TRIM33: variants seen among roughly 807,000 people sequenced by gnomAD.
TRIM33 encodes E3 ubiquitin-protein ligase TRIM33.
TRIM33 carries 20 observed loss-of-function variants against 125.4 expected under a neutral mutation model. The ratio of observed to expected loss-of-function variants is 0.16; its 90% CI spans 0.11 to 0.23. The LOEUF is 0.23. Among genes scored for constraint, TRIM33 ranks in the 10% least tolerant of loss-of-function variants. The pLI, the probability that TRIM33 is intolerant of heterozygous loss-of-function variation, is 1.00. For missense variants in TRIM33, 920 were observed against 1,411.4 expected (o/e 0.65, Z 5.58); for synonymous variants, 564 against 513.9 (o/e 1.10, Z -1.32).
intron 1 of TRIM33, among the ~76,000 whole-genome samples, chr1:114,493,991 A>G (rs1279519426): frequency 1.3e-5 from 2 of 151,464 alleles, no homozygotes; most frequent in African/African-American, 4.9e-5. Context: ...CGCCCAGCTC[A>G]TTTTTCTATT....
intron 15 of TRIM33, among the ~76,000 whole-genome samples, chr1:114,403,819 C>A (rs1324373152): frequency 6.6e-6 from 1 of 152,154 alleles, no homozygotes; most frequent in African/African-American, 2.4e-5. Flanking sequence ...CGCCACCATG[C>A]CTGGCCAATT....
intron 1 of TRIM33, among the ~76,000 whole-genome samples, chr1:114,495,539 T>G (rs1652321732): frequency 1.3e-5 from 2 of 152,178 alleles, no homozygotes; most frequent in African/African-American, 4.8e-5. Flanking sequence ...TAACGTAAGA[T>G]AAAACATAAC....
At chr1:114,425,753 T>C (rs756298594) in intron 8 of TRIM33, 30 bp from the exon 9 acceptor site, 5 of 1,489,272 alleles carry the variant, frequency 3.4e-6, no homozygotes, top group South Asian at 2.5e-5. Flanking sequence ...AGAATTTGCA[T>C]ATAATCAACT....
intron 1 of TRIM33, among the ~76,000 whole-genome samples, chr1:114,488,543 C>T (rs1052551836): frequency 5.3e-5 from 8 of 152,060 alleles, no homozygotes; most frequent in Non-Finnish European, 8.8e-5. Context: ...GCGGGAGGAC[C>T]GCTTCAGCCC....
At position 114,427,273 on chromosome 1, in the gene TRIM33, T is replaced by C. The variant is rs767881394; in HGVS notation, c.1324A>G (p.Ile442Val). ...ACAGGATCACACCGTGCTTTCAAAA[T>C]ATGACGCAACTGGAAAGTAATCTTA... The part of the protein sequence containing the change: ...KRLITFQLRH[I>V]LKARCDPVPA... The change falls in exon 8 of 20, where the codon ATT (isoleucine) becomes GTT (valine). Residue 442 changes from isoleucine (I) to valine (V), a missense_variant. Coordinates refer to ENST00000358465, the MANE Select transcript of TRIM33 (RefSeq NM_015906.4). 24 of 1,586,966 alleles carry C rather than the reference T, an allele frequency of 1.5e-5. No individual in the cohort carries two copies. Among genetic ancestry groups the C allele is most frequent in the Non-Finnish European group, 1.9e-5 (22 of 1,163,066 alleles).
At chr1:114,503,426 C>T (rs1478609169) in intron 1 of TRIM33, among the ~76,000 whole-genome samples, 2 of 152,060 alleles carry the variant, frequency 1.3e-5, no homozygotes, top group African/African-American at 4.8e-5. Flanking sequence ...CGCGGTGAGC[C>T]AAGATTGCGC....
chr1:114,417,748 T>G (rs1460552322), intron 11 of TRIM33, among the ~76,000 whole-genome samples: 1 of 152,176 alleles, frequency 6.6e-6, no homozygotes, highest in Non-Finnish European at 1.5e-5. Context: ...AACCTCCACC[T>G]CCCAGGTTCA....
chr1:114,424,888 C>T (rs1475019604), intron 9 of TRIM33, 133 bp from the exon 10 acceptor site: 4 of 637,876 alleles, frequency 6.3e-6, no homozygotes, highest in East Asian at 6.2e-5. Context: ...ATTCTTATCG[C>T]TAGCCCCAAT....
intron 1 of TRIM33, among the ~76,000 whole-genome samples, chr1:114,503,781 A>G (rs977697346): frequency 2.0e-5 from 3 of 152,240 alleles, no homozygotes; most frequent in Admixed American, 6.5e-5. Flanking sequence ...TTTTCCTGGA[A>G]ATGACAGGCT....
chr1:114,498,538 C>T (rs916355168), intron 1 of TRIM33, among the ~76,000 whole-genome samples: 3 of 151,970 alleles, frequency 2.0e-5, no homozygotes, highest in Non-Finnish European at 2.9e-5. Context: ...AGTTCCAGCT[C>T]CTCAGCAGGC....
chr1:114,490,326 T>C (rs553508912), intron 1 of TRIM33, among the ~76,000 whole-genome samples: 4 of 151,630 alleles, frequency 2.6e-5, no homozygotes, highest in Admixed American at 2.6e-4. Context: ...GAAATGCAAA[T>C]CAAAACCACA....
rs776356341 is a variant in TRIM33, at chr1:114,399,505, A to G, written c.3072T>C (p.Phe1024=). The change falls in exon 18 of 20, where the codon TTT becomes TTC. Residue 1024 remains phenylalanine, a synonymous_variant. Coordinates refer to ENST00000358465, the MANE Select transcript of TRIM33 (RefSeq NM_015906.4). The part of the protein sequence containing the change: ...HSQHYQIPDD[F]VADVRLIFKN... ...TGAAGATCAAACGGACATCGGCCAC[A>G]AAGTCATCCGGGATTTGGTAGTGTT... 5.0e-6 allele frequency: 8 copies of G among 1,613,876 alleles called. No homozygotes were observed. In the East Asian group the frequency reaches 1.1e-4, roughly 22 times the overall value.
At chr1:114,450,380 G>A (rs184447407) in intron 4 of TRIM33, among the ~76,000 whole-genome samples, 8 of 152,300 alleles carry the variant, frequency 5.3e-5, no homozygotes, top group Admixed American at 3.3e-4. Context: ...CACCCAGGCT[G>A]GAGTGCAGTG....
intron 13 of TRIM33, 104 bp from the exon 14 acceptor site, chr1:114,407,204 A>G: frequency 1.0e-6 from 1 of 967,640 alleles, no homozygotes; most frequent in South Asian, 1.8e-5. Flanking sequence ...ACAATAGACA[A>G]TTAACTTTAC....
chr1:114,451,618 A>G (rs1298460461), intron 4 of TRIM33, among the ~76,000 whole-genome samples: 2 of 151,428 alleles, frequency 1.3e-5, no homozygotes, highest in Non-Finnish European at 3.0e-5. Context: ...CGAAGACTTC[A>G]ATTAAAAAAA....
intron 11 of TRIM33, among the ~76,000 whole-genome samples, chr1:114,418,852 G>A (rs908529961): frequency 1.3e-5 from 2 of 151,740 alleles, no homozygotes; most frequent in African/African-American, 4.8e-5. Context: ...CCCTATGACT[G>A]CATTCCCCAA....
intron 18 of TRIM33, among the ~76,000 whole-genome samples, chr1:114,398,665 G>C (rs1166430294): frequency 1.3e-5 from 2 of 152,026 alleles, no homozygotes; most frequent in South Asian, 4.2e-4. Flanking sequence ...GATCCAATGT[G>C]ATTTATTTTA....
Position 114,452,224 on chromosome 1 carries a change from A to T in TRIM33, c.923+10880T>A, listed in dbSNP as rs557422351. ...CATGGTGGCTCATGCCTGTAATCCC[A>T]GCACTGGTGGGCGGATCACGAGGTC... On this transcript the variant is annotated intron_variant, in intron 4 of 19. Coordinates refer to ENST00000358465, the MANE Select transcript of TRIM33 (RefSeq NM_015906.4). Among the ~76,000 whole-genome samples the T allele has an allele frequency of 2.0e-5, 3 of 152,258 alleles. No individual in the cohort carries two copies. In the South Asian group the frequency reaches 6.2e-4, roughly 32 times the overall value.
intron 1 of TRIM33, among the ~76,000 whole-genome samples, chr1:114,470,958 C>A (rs935337300): frequency 6.6e-6 from 1 of 152,160 alleles, no homozygotes; most frequent in Non-Finnish European, 1.5e-5. Flanking sequence ...GCCACCATGC[C>A]CAACTAATTT....
Sources: allele counts gnomAD v4.1 joint callset (sites outside exome capture counted in the v4.1 genomes callset), GRCh38; gene constraint gnomAD v4.1.1; transcripts MANE v1.5; gene names NCBI Gene and HGNC (gene_info 2026-07-23, HGNC 2026-07-21).